The following UNC13C variants were observed in gnomAD, a reference collection of about 807,000 sequenced individuals.
UNC13C encodes unc-13 homolog C.
UNC13C carries 174 observed loss-of-function variants against 245.4 expected under a neutral mutation model. The ratio of observed to expected loss-of-function variants is 0.71; its 90% CI spans 0.63 to 0.80. UNC13C has a LOEUF of 0.80. Ranked by LOEUF, UNC13C falls within the 30% of genes least tolerant of loss-of-function variation. UNC13C has a pLI of 0.00. For missense variants in UNC13C, 2,829 were observed against 2,602.9 expected, an observed-to-expected ratio of 1.09 and a Z score of -1.89; for synonymous variants, 992 against 895.1, an observed-to-expected ratio of 1.11 and a Z score of -1.93.
In UNC13C at chr15:54,015,464, C is replaced by T. The variant is rs375077921; in HGVS notation, c.2561C>T (p.Thr854Met). 81 of 1,613,390 alleles carry T rather than the reference C, an allele frequency of 5.0e-5. No individual in the cohort carries two copies. Among genetic ancestry groups the T allele is most frequent in the Non-Finnish European group, 5.9e-5 (70 of 1,179,736 alleles). The change falls in exon 2 of 33, where the codon ACG (threonine) becomes ATG (methionine). Residue 854 changes from threonine to methionine, a missense_variant. Transcript: ENST00000260323. ...ACCACACTTGACTCTGATGTCTACACGGAGCCCTATTACTATAAAGCAGAG... is the reference window on the plus strand; with the variant it reads ...ACCACACTTGACTCTGATGTCTACATGGAGCCCTATTACTATAAAGCAGAG... The part of the protein sequence containing the change: ...SSTTLDSDVY[T>M]EPYYYKAEDE...
chr15:54,130,308 T>TTG (rs67637704), intron 2 of UNC13C, among the ~76,000 whole-genome samples: 1 of 119,490 alleles, frequency 8.4e-6, no homozygotes, highest in Non-Finnish European at 1.7e-5. Context: ...TTTTTTTTTT[T>TTG]GTGAGACGGA....
intron 17 of UNC13C, among the ~76,000 whole-genome samples, chr15:54,380,746 A>G (rs1287747739): frequency 5.3e-5 from 8 of 152,094 alleles, no homozygotes; most frequent in Admixed American, 2.0e-4. Context: ...TGTGTTGACT[A>G]TTTGTATATC....
At chr15:54,600,249 T>A (rs1447523493) in intron 30 of UNC13C, among the ~76,000 whole-genome samples, 1 of 152,058 alleles carries the variant, frequency 6.6e-6, no homozygotes, top group Non-Finnish European at 1.5e-5. Context: ...CTTATCAAAG[T>A]GAGACCTCTC....
chr15:54,420,557 AAGGCTGGCTAGCACAATT>A (rs1406993125), intron 19 of UNC13C, among the ~76,000 whole-genome samples: 1 of 151,988 alleles, frequency 6.6e-6, no homozygotes, highest in Non-Finnish European at 1.5e-5. Context: ...TGTCATCTTG[AAGGCTGGCTAGCACAATT>A]AGTATTTGCC....
chr15:53,934,450 C>A, the UNC13C span, among the ~76,000 whole-genome samples: 1 of 152,158 alleles, frequency 6.6e-6, no homozygotes, highest in African/African-American at 2.4e-5. Context: ...AGTATGATTA[C>A]ATGTTTGCCG....
intron 2 of UNC13C, among the ~76,000 whole-genome samples, chr15:54,108,791 A>G (rs767008209): frequency 5.9e-5 from 9 of 152,080 alleles, no homozygotes; most frequent in Non-Finnish European, 1.3e-4. Flanking sequence ...ACAGTAAGCC[A>G]AATTTCTCTC....
At chr15:54,347,594 A>T (rs966923875) in intron 17 of UNC13C, among the ~76,000 whole-genome samples, 9 of 152,190 alleles carry the variant, frequency 5.9e-5, no homozygotes, top group African/African-American at 2.2e-4. Context: ...AAAGTTCTTG[A>T]CATTCATGTG....
intron 2 of UNC13C, among the ~76,000 whole-genome samples, chr15:54,035,259 A>T (rs1896526617): frequency 6.6e-6 from 1 of 152,244 alleles, no homozygotes; most frequent in Non-Finnish European, 1.5e-5. Flanking sequence ...TGCTTGCGAT[A>T]TATTAAGTCA....
rs1181771575 is a variant in UNC13C at position 54,500,150 on chromosome 15, C to T, written c.5132C>T (p.Ala1711Val). The T allele has an allele frequency of 6.2e-7, 1 of 1,610,372 alleles. No homozygotes were observed. Among genetic ancestry groups the T allele is most frequent in the Non-Finnish European group, 8.5e-7 (1 of 1,178,654 alleles). Residue 1711 changes from alanine to valine, a missense_variant, in exon 21 of 33, where the codon GCA (alanine) becomes GTA (valine). Transcript: ENST00000260323. The part of the protein sequence containing the change: ...EDVSMEFLHG[A>V]LGRDKKDGFQ... ...GTGTCAATGGAATTCCTTCATGGAG[C>T]ACTGGGAAGAGACAAAAAAGATGGA...
chr15:54,196,311 A>G (rs1168679677), intron 4 of UNC13C, among the ~76,000 whole-genome samples: 1 of 151,920 alleles, frequency 6.6e-6, no homozygotes, highest in Non-Finnish European at 1.5e-5. Flanking sequence ...ACAAGCCCAG[A>G]TCTTCAGCTT....
At chr15:54,585,150 C>G (rs1404997437) in intron 30 of UNC13C, among the ~76,000 whole-genome samples, 1 of 152,168 alleles carries the variant, frequency 6.6e-6, no homozygotes, top group Non-Finnish European at 1.5e-5. Flanking sequence ...TTTGGCCCCT[C>G]CAAATCTCAT....
At chr15:53,957,227 C>T in the UNC13C span, among the ~76,000 whole-genome samples, 1 of 152,068 alleles carries the variant, frequency 6.6e-6, no homozygotes, top group Non-Finnish European at 1.5e-5. Flanking sequence ...CTGCAACCTC[C>T]ACCTCCTGGG....
the UNC13C span, among the ~76,000 whole-genome samples, chr15:53,860,343 T>C: frequency 6.6e-6 from 1 of 152,188 alleles, no homozygotes; most frequent in East Asian, 1.9e-4. Context: ...AAGAAGGATA[T>C]TTTGAGGATC....
chr15:54,543,593 T>TA (rs1195206204), intron 26 of UNC13C, among the ~76,000 whole-genome samples: 1 of 151,714 alleles, frequency 6.6e-6, no homozygotes, highest in Non-Finnish European at 1.5e-5. Context: ...ATAGATACAA[T>TA]AAAAAATGAT....
intron 24 of UNC13C, among the ~76,000 whole-genome samples, chr15:54,513,715 G>A (rs959447888): frequency 6.6e-6 from 1 of 152,056 alleles, no homozygotes; most frequent in Non-Finnish European, 1.5e-5. Context: ...CCTCAGACAC[G>A]ATTTAAGAAG....
At chr15:53,915,608 G>T in the UNC13C span, among the ~76,000 whole-genome samples, 2 of 151,966 alleles carry the variant, frequency 1.3e-5, no homozygotes, top group Non-Finnish European at 2.9e-5. Context: ...AATATTTAAG[G>T]GATACCTCAA....
At chr15:54,273,999 T>C (rs74013595) in intron 10 of UNC13C, among the ~76,000 whole-genome samples, 3,829 of 152,222 alleles carry the variant, frequency 0.025, 157 homozygotes, top group African/African-American at 0.088. Flanking sequence ...GAACATGTAT[T>C]TAAGTGTGAG....
At chr15:54,393,961 G>T (rs1393424407) in intron 18 of UNC13C, among the ~76,000 whole-genome samples, 1 of 151,860 alleles carries the variant, frequency 6.6e-6, no homozygotes, top group Non-Finnish European at 1.5e-5. Flanking sequence ...TTGCAGTCTG[G>T]TTAATGAAGA....
At chr15:54,321,497 G>A (rs749697971) in intron 13 of UNC13C, 14 of 479,762 alleles carry the variant, frequency 2.9e-5, no homozygotes, top group Non-Finnish European at 4.5e-5. Context: ...AGTGGCATAT[G>A]TGACAAACCC....
Sources: gnomAD v4.1 joint callset for allele counts (sites outside exome capture counted in the v4.1 genomes callset) on GRCh38, gnomAD v4.1.1 for gene constraint, MANE v1.5 for transcripts, NCBI Gene and HGNC (gene_info 2026-07-23, HGNC 2026-07-21) for gene names.